The following COX10 variants were observed in gnomAD, a reference collection of about 807,000 sequenced individuals.
COX10 encodes the protein protoheme IX farnesyltransferase, mitochondrial.
Under a neutral mutation model 37.3 loss-of-function variants are expected in COX10, and 27 were observed. The observed-to-expected ratio is 0.72, with a 90% CI of 0.53 to 1.00. The LOEUF is 1.00. COX10 is among the 50% of genes least tolerant of loss of function. The pLI, the probability that COX10 is intolerant of heterozygous loss-of-function variation, is 0.00. For missense variants in COX10, 475 were observed against 563.2 expected (o/e 0.84, Z 1.59); for synonymous variants, 222 against 229.1 (o/e 0.97, Z 0.28).
At chr17:14,117,140 AT>A (rs1295059087) in intron 4 of COX10, among the ~76,000 whole-genome samples, 5 of 152,170 alleles carry the variant, frequency 3.3e-5, no homozygotes, top group Admixed American at 6.5e-5. Flanking sequence ...GCATGAAGAT[AT>A]TTTATTTTTA....
intron 4 of COX10, among the ~76,000 whole-genome samples, chr17:14,103,785 C>T (rs1193325049): frequency 6.6e-6 from 1 of 152,052 alleles, no homozygotes; most frequent in East Asian, 1.9e-4. Flanking sequence ...TGAACATAAG[C>T]CAAGGTTTTG....
At chr17:14,128,498 A>T (rs927978827) in intron 4 of COX10, among the ~76,000 whole-genome samples, 2 of 152,162 alleles carry the variant, frequency 1.3e-5, no homozygotes, top group Non-Finnish European at 2.9e-5. Context: ...ACTATTCTCA[A>T]ATATTCATTT....
At chr17:14,162,962 A>G (rs1425256503) in intron 5 of COX10, among the ~76,000 whole-genome samples, 2 of 152,226 alleles carry the variant, frequency 1.3e-5, no homozygotes, top group East Asian at 3.9e-4. Context: ...ACCTCACTTT[A>G]AAAATACATC....
At chr17:14,129,073 C>T (rs1214315184) in intron 4 of COX10, among the ~76,000 whole-genome samples, 2 of 151,468 alleles carry the variant, frequency 1.3e-5, no homozygotes, top group South Asian at 2.1e-4. Flanking sequence ...CTTGAACTTC[C>T]GACCTGAGGT....
intron 5 of COX10, among the ~76,000 whole-genome samples, chr17:14,190,266 G>A (rs1906159998): frequency 1.3e-5 from 2 of 152,172 alleles, no homozygotes; most frequent in Non-Finnish European, 2.9e-5. Flanking sequence ...TAGTATGAGT[G>A]TAAGCCTTTC....
At chr17:14,094,050 C>T (rs1915587946) in intron 3 of COX10, among the ~76,000 whole-genome samples, 1 of 152,022 alleles carries the variant, frequency 6.6e-6, no homozygotes, top group African/African-American at 2.4e-5. Context: ...CAGAGCAAAA[C>T]CCTGCCTCTG....
chr17:14,070,066 T>C (rs9893568), intron 1 of COX10, among the ~76,000 whole-genome samples: 15,089 of 152,132 alleles, frequency 0.099, 825 homozygotes, highest in Non-Finnish European at 0.12. Flanking sequence ...ATATAAAGGG[T>C]CATGATGACA....
At chr17:14,180,688 C>A (rs1195200344) in intron 5 of COX10, among the ~76,000 whole-genome samples, 3 of 152,192 alleles carry the variant, frequency 2.0e-5, no homozygotes, top group Non-Finnish European at 4.4e-5. Flanking sequence ...TAGTCTATCA[C>A]TTGTAGCCAA....
chr17:14,186,946 T>A (rs1331878626), intron 5 of COX10, among the ~76,000 whole-genome samples: 3 of 151,948 alleles, frequency 2.0e-5, no homozygotes, highest in Non-Finnish European at 4.4e-5. Flanking sequence ...ATTGCTAAAA[T>A]GAGGTAACGC....
chr17:14,105,354 A>G (rs1228387038), intron 4 of COX10, among the ~76,000 whole-genome samples: 1 of 152,150 alleles, frequency 6.6e-6, no homozygotes, highest in Non-Finnish European at 1.5e-5. Flanking sequence ...ATCTCTAATT[A>G]TTTTTAAAGG....
intron 6 of COX10, among the ~76,000 whole-genome samples, chr17:14,205,578 C>T (rs1164016893): frequency 1.3e-5 from 2 of 151,930 alleles, no homozygotes; most frequent in Admixed American, 6.6e-5. Flanking sequence ...AGTAGGCGCC[C>T]GGGGAGCATT....
At chr17:14,154,208 C>T (rs1004923427) in intron 4 of COX10, among the ~76,000 whole-genome samples, 3 of 151,980 alleles carry the variant, frequency 2.0e-5, no homozygotes, top group Non-Finnish European at 2.9e-5. Flanking sequence ...GATTGGTGGG[C>T]GTTTCATGGG....
At chr17:14,083,492 T>G (rs1300915155) in intron 3 of COX10, among the ~76,000 whole-genome samples, 1 of 152,210 alleles carries the variant, frequency 6.6e-6, no homozygotes, top group African/African-American at 2.4e-5. Flanking sequence ...GAACTAGCCT[T>G]TCTTTCTTTC....
chr17:14,175,960 T>TC (rs1457680161), intron 5 of COX10, among the ~76,000 whole-genome samples: 1 of 152,038 alleles, frequency 6.6e-6, no homozygotes. Flanking sequence ...GGGCTGGAAC[T>TC]CCATGTGCAG....
At chr17:14,125,392 C>A (rs1158307528) in intron 4 of COX10, among the ~76,000 whole-genome samples, 7 of 152,068 alleles carry the variant, frequency 4.6e-5, no homozygotes, top group Non-Finnish European at 1.0e-4. Context: ...TTGAATTAGC[C>A]TTGTATTAAG....
chr17:14,142,861 T>C (rs532145264), intron 4 of COX10, among the ~76,000 whole-genome samples: 20 of 152,320 alleles, frequency 1.3e-4, no homozygotes, highest in African/African-American at 4.8e-4. Context: ...TTGCAACACA[T>C]TACAGGTTTT....
chr17:14,102,091 T>C, intron 3 of COX10, 27 bp from the exon 4 acceptor site: 2 of 1,613,360 alleles, frequency 1.2e-6, no homozygotes, highest in Non-Finnish European at 1.7e-6. Context: ...TTGGTAACAG[T>C]GTGTCTGCTC....
At chr17:14,135,925 A>G (rs939871649) in intron 4 of COX10, among the ~76,000 whole-genome samples, 2 of 152,004 alleles carry the variant, frequency 1.3e-5, no homozygotes, top group African/African-American at 4.8e-5. Context: ...GTTTCATCAA[A>G]TAAGTTGTTT....
rs182626105 is a variant in COX10 at position 14,128,182 on chromosome 17, C to G, written c.624+25940C>G. The stretch of plus-strand genomic sequence containing the variant: ...GATGTGAAAAATGAACCTCCAAAAG[C>G]TTATACATGAAAGGATTATATAATT... On this transcript the variant is annotated intron_variant, in intron 4 of 6. Coordinates refer to ENST00000261643, the MANE Select transcript of COX10 (RefSeq NM_001303.4). Among the ~76,000 whole-genome samples, 3 of 151,966 alleles carry G rather than the reference C, an allele frequency of 2.0e-5. No homozygotes were observed. In the East Asian group the frequency reaches 5.8e-4, roughly 29 times the overall value.
Sources: gnomAD v4.1 joint callset for allele counts (sites outside exome capture counted in the v4.1 genomes callset) on GRCh38, gnomAD v4.1.1 for gene constraint, MANE v1.5 for transcripts, NCBI Gene and HGNC (gene_info 2026-07-23, HGNC 2026-07-21) for gene names.